The following ONECUT3 variants were observed in gnomAD, a reference collection of about 807,000 sequenced individuals.
ONECUT3 encodes the protein one cut homeobox 3, also known as one cut domain family member 3.
In ONECUT3, 11 loss-of-function variants were observed where a neutral mutation model predicts 16.8. That is an observed-to-expected ratio of 0.66 (90% CI 0.41 to 1.09). The LOEUF (loss-of-function observed/expected upper bound fraction) is 1.09, where lower values mean the gene tolerates loss of function less well. Among genes scored for constraint, ONECUT3 ranks in the 50% least tolerant of loss-of-function variants. ONECUT3 has a pLI of 0.00. For missense variants in ONECUT3, 637 were observed against 629.9 expected (o/e 1.01, Z -0.12); for synonymous variants, 344 against 310.7 (o/e 1.11, Z -1.13).
Position 1,764,181 on chromosome 19 carries a change from C to G in ONECUT3, c.1192+9327C>G, listed in dbSNP as rs1403802851. ...CCTTGTGCGTGCGTGTGTTTGCCCA[C>G]TGGCTTTGCTCCTGTTTGAGGGTGC... is the stretch of plus-strand genomic sequence containing the variant. On this transcript the variant is annotated intron_variant, in intron 1 of 1. Transcript: ENST00000382349. The surrounding 1 kb of genome is among the most constrained non-coding windows in gnomAD (Gnocchi z 5.0). 6.6e-6 allele frequency among the ~76,000 whole-genome samples: 1 copy of G among 152,194 alleles called. No homozygotes were observed. Among genetic ancestry groups the G allele is most frequent in the Non-Finnish European group, 1.5e-5 (1 of 68,036 alleles).
chr19:1,762,681 A>G lies in ONECUT3; in HGVS notation c.1192+7827A>G, dbSNP rs2067952667. On this transcript the variant is annotated intron_variant, in intron 1 of 1. Coordinates refer to ENST00000382349, the MANE Select transcript of ONECUT3 (RefSeq NM_001080488.2). The surrounding 1 kb of genome is among the most constrained non-coding windows in gnomAD (Gnocchi z 4.4). ...CACGCGCCCGCGGCCTTGGAGCCTC[A>G]GGGTCACTGGTGCGGGCTCCGCAGG... Among the ~76,000 whole-genome samples the G allele has an allele frequency of 6.6e-6, 1 of 152,228 alleles. No individual in the cohort carries two copies. Among genetic ancestry groups the G allele is most frequent in the Non-Finnish European group, 1.5e-5 (1 of 68,038 alleles).
rs1378149980 is a variant in ONECUT3 at position 1,764,414 on chromosome 19, G to C, written c.1192+9560G>C. ...ATGCAGTCATTAAAATCCCATCAGG[G>C]GAGGCTGGCGGGGAAAGCTGGAGGG... On this transcript the variant is annotated intron_variant, in intron 1 of 1. Coordinates refer to ENST00000382349, the MANE Select transcript of ONECUT3 (RefSeq NM_001080488.2). The surrounding 1 kb of genome is among the most constrained non-coding windows in gnomAD (Gnocchi z 5.0). Among the ~76,000 whole-genome samples the C allele has an allele frequency of 6.6e-6, 1 of 152,212 alleles. No individual in the cohort carries two copies. Among genetic ancestry groups the C allele is most frequent in the Non-Finnish European group, 1.5e-5 (1 of 68,034 alleles).
chr19:1,762,314 G>A lies in ONECUT3; in HGVS notation c.1192+7460G>A, dbSNP rs1687502240. ...TGGGAGTCGGGACAGAAGCTGCTGG[G>A]CTCTCCTCCCTGGAGCTGGGGCTTT... On this transcript the variant is annotated intron_variant, in intron 1 of 1. Transcript: ENST00000382349. This position sits in a 1 kb window ranked among gnomAD's most constrained non-coding sequence, Gnocchi z 4.4. 6.6e-6 allele frequency among the ~76,000 whole-genome samples: 1 copy of A among 152,208 alleles called. No homozygotes were observed. Among genetic ancestry groups the A allele is most frequent in the African/African-American group, 2.4e-5 (1 of 41,462 alleles).
In ONECUT3 at chr19:1,764,805, G is replaced by T. The variant is rs956014236; in HGVS notation, c.1192+9951G>T. ...TCGAGTCTGGAGAGGCCACGGGGGG[G>T]GGATGCGCAGGGGGGACAAGACACC... On this transcript the variant is annotated intron_variant, in intron 1 of 1. Coordinates refer to ENST00000382349, the MANE Select transcript of ONECUT3 (RefSeq NM_001080488.2). The surrounding 1 kb of genome is among the most constrained non-coding windows in gnomAD (Gnocchi z 5.0). Among the ~76,000 whole-genome samples, 22 of 148,108 alleles carry T rather than the reference G, an allele frequency of 1.5e-4. No homozygotes were observed. The highest frequency in any genetic ancestry group is 5.5e-4 in the African/African-American group (22 of 40,200).
rs1049726464 is a variant in ONECUT3 at position 1,754,044 on chromosome 19, G to A, written c.382G>A (p.Ala128Thr). 57 of 991,180 alleles carry A rather than the reference G, an allele frequency of 5.8e-5. No individual in the cohort carries two copies. Among genetic ancestry groups the A allele is most frequent in the Non-Finnish European group, 6.7e-5 (56 of 835,534 alleles). 61.4% of individuals were successfully genotyped at this position (991,180 alleles called of 1,614,324 possible). A position where few individuals can be genotyped will look rare whatever the true frequency, so the allele number is the denominator to read the frequency against. The change falls in exon 1 of 2, where the codon GCG becomes ACG. Residue 128 changes from alanine (A) to threonine (T), a missense_variant. Around this residue, in one of 3 missense-constraint regions of ONECUT3, gnomAD observed 419 missense variants for 377.9 expected, o/e 1.11. Transcript: ENST00000382349. The surrounding 1 kb of genome is among the most constrained non-coding windows in gnomAD (Gnocchi z 7.4). ...CGTGGCCGACAAGTTCCACCAGCAC[G>A]CGGCGGCCGCGGCCGTGGCCGGGGC... ...AAVADKFHQH[A>T]AAAAVAGAHG... is the part of the protein sequence containing the mutation.
At chr19:1,763,392 A>AAAAAAAAAAT (rs1308535206) in intron 1 of ONECUT3, among the ~76,000 whole-genome samples, 1 of 137,068 alleles carries the variant, frequency 7.3e-6, no homozygotes, top group African/African-American at 2.9e-5. Context: ...AAAAAAAAAA[A>AAAAAAAAAAT]AAAATTAGCC....
chr19:1,760,564 C>T (rs2067941286), intron 1 of ONECUT3, among the ~76,000 whole-genome samples: 1 of 152,056 alleles, frequency 6.6e-6, no homozygotes, highest in African/African-American at 2.4e-5. Flanking sequence ...TGCGCTTCCC[C>T]CTGTGCCCCA....
At chr19:1,763,279 G>T (rs1405475187) in intron 1 of ONECUT3, among the ~76,000 whole-genome samples, 4 of 146,646 alleles carry the variant, frequency 2.7e-5, no homozygotes, top group Non-Finnish European at 4.5e-5. Flanking sequence ...CAGGAGAATC[G>T]CTTGAACCCA....
rs1351380810 is a variant in ONECUT3 at position 1,779,864 on chromosome 19, ACCTG to A, written c.*4424_*4427del. ...GAGCCTCAGTAGCCGGGTCTCCTCC[ACCTG>A]CCTGTCCATCTCCACCCGAGATGCC... is the stretch of plus-strand genomic sequence containing the variant. On this transcript the variant is annotated 3_prime_UTR_variant, in exon 2 of 2. Coordinates refer to ENST00000382349, the MANE Select transcript of ONECUT3 (RefSeq NM_001080488.2). The A allele has an allele frequency of 6.6e-6, 1 of 151,134 alleles. No homozygotes were observed. Among genetic ancestry groups the A allele is most frequent in the African/African-American group, 2.4e-5 (1 of 41,052 alleles). The allele number at this position is 151,134 out of a possible 1,614,324, so 9.4% of individuals were successfully genotyped here.
At chr19:1,769,062 AG>A in intron 1 of ONECUT3, among the ~76,000 whole-genome samples, 1 of 80,472 alleles carries the variant, frequency 1.2e-5, no homozygotes, top group African/African-American at 5.5e-5. Flanking sequence ...GAGTTGCTGG[AG>A]GTGGAGGTGG....
At chr19:1,760,557 G>T (rs551331251) in intron 1 of ONECUT3, among the ~76,000 whole-genome samples, 1 of 151,918 alleles carries the variant, frequency 6.6e-6, no homozygotes, top group Non-Finnish European at 1.5e-5. Context: ...CCTGCGCTGC[G>T]CTTCCCCCTG....
Position 1,766,359 on chromosome 19 carries a change from C to T in ONECUT3, c.1193-8794C>T, listed in dbSNP as rs1160925534. Among the ~76,000 whole-genome samples, 7 of 151,880 alleles carry T rather than the reference C, an allele frequency of 4.6e-5. No individual in the cohort carries two copies. Among genetic ancestry groups the T allele is most frequent in the African/African-American group, 9.6e-5 (4 of 41,516 alleles). On this transcript the variant is annotated intron_variant, in intron 1 of 1. Coordinates refer to ENST00000382349, the MANE Select transcript of ONECUT3 (RefSeq NM_001080488.2). This position sits in a 1 kb window ranked among gnomAD's most constrained non-coding sequence, Gnocchi z 4.0. Reference sequence around the variant, plus strand: ...GCACCCACGGGCCCGCCTTCAGGGGCGAGGCGGATGCTGCATCCTGAAGCC... The same window carrying T: ...GCACCCACGGGCCCGCCTTCAGGGGTGAGGCGGATGCTGCATCCTGAAGCC...
chr19:1,757,580 C>T (rs2067923318), intron 1 of ONECUT3, among the ~76,000 whole-genome samples: 1 of 152,056 alleles, frequency 6.6e-6, no homozygotes, highest in African/African-American at 2.4e-5. Flanking sequence ...GCCGCGCGGC[C>T]CCGCGGCCGC....
In ONECUT3 at chr19:1,758,408, C is replaced by T. The variant is rs972911679; in HGVS notation, c.1192+3554C>T. Among the ~76,000 whole-genome samples the T allele has an allele frequency of 6.6e-6, 1 of 151,912 alleles. No individual in the cohort carries two copies. The highest frequency in any genetic ancestry group is 6.5e-5 in the Admixed American group (1 of 15,274). ...CACCCCCGCCCTCCCACAGCCCCCT[C>T]CTTCTTCCCCATGGGGTAGGACTTG... On this transcript the variant is annotated intron_variant, in intron 1 of 1. Coordinates refer to ENST00000382349, the MANE Select transcript of ONECUT3 (RefSeq NM_001080488.2). The surrounding 1 kb of genome is among the most constrained non-coding windows in gnomAD (Gnocchi z 5.9).
At chr19:1,772,246 C>G (rs2068062202) in intron 1 of ONECUT3, among the ~76,000 whole-genome samples, 1 of 152,086 alleles carries the variant, frequency 6.6e-6, no homozygotes, top group Admixed American at 6.6e-5. Context: ...CTCCTGACCT[C>G]AAGCGATCCA....
Position 1,766,074 on chromosome 19 carries a change from T to G in ONECUT3, c.1193-9079T>G, listed in dbSNP as rs7250162. ...TGATGCCGGTTTTCCCGCCCAGAAC[T>G]GGAACAGCTTTCCTAACGGTCACAG... On this transcript the variant is annotated intron_variant, in intron 1 of 1. Coordinates refer to ENST00000382349, the MANE Select transcript of ONECUT3 (RefSeq NM_001080488.2). The surrounding 1 kb of genome is among the most constrained non-coding windows in gnomAD (Gnocchi z 4.0). 0.87 allele frequency among the ~76,000 whole-genome samples: 132,655 copies of G among 152,098 alleles called. 58,224 individuals are homozygous for G. The highest frequency in any genetic ancestry group is 0.97 in the African/African-American group (40,312 of 41,544).
rs1164806390 is a variant in ONECUT3, at chr19:1,776,711, C to T, written c.*1266C>T. The T allele has an allele frequency of 2.0e-5, 3 of 150,890 alleles. No homozygotes were observed. The highest frequency in any genetic ancestry group is 4.4e-5 in the Non-Finnish European group (3 of 67,690). The allele number at this position is 150,890 out of a possible 1,614,324, so 9.3% of individuals were successfully genotyped here. On this transcript the variant is annotated 3_prime_UTR_variant, in exon 2 of 2. Transcript: ENST00000382349. The surrounding 1 kb of genome is among the most constrained non-coding windows in gnomAD (Gnocchi z 4.9). ...GCCGCGGGATCCCAGGAGCCCGCCT[C>T]CTCCGGGGGTTCAAGATCCGAGTCT... is the stretch of plus-strand genomic sequence containing the variant.
In ONECUT3 at chr19:1,755,951, G is replaced by T. The variant is rs577569829; in HGVS notation, c.1192+1097G>T. 6.6e-6 allele frequency among the ~76,000 whole-genome samples: 1 copy of T among 152,108 alleles called. No homozygotes were observed. Among genetic ancestry groups the T allele is most frequent in the Non-Finnish European group, 1.5e-5 (1 of 68,008 alleles). On this transcript the variant is annotated intron_variant, in intron 1 of 1. Transcript: ENST00000382349. This position sits in a 1 kb window ranked among gnomAD's most constrained non-coding sequence, Gnocchi z 7.5. ...TTTCCCTGGTGGTGCTGGGGAGGGGGCTGTCCACCCGGGCCACAGGGACAA... is the reference window on the plus strand; with the variant it reads ...TTTCCCTGGTGGTGCTGGGGAGGGGTCTGTCCACCCGGGCCACAGGGACAA...
At chr19:1,765,458 C>T (rs562044752) in intron 1 of ONECUT3, among the ~76,000 whole-genome samples, 1 of 152,202 alleles carries the variant, frequency 6.6e-6, no homozygotes, top group Non-Finnish European at 1.5e-5. Context: ...CCAAAGGCGT[C>T]CTCTCTCCCC....
Sources: allele counts gnomAD v4.1 joint callset (sites outside exome capture counted in the v4.1 genomes callset), GRCh38; gene constraint gnomAD v4.1.1; regional missense constraint gnomAD v4.1.1; non-coding constraint Gnocchi (gnomAD v3.1); transcripts MANE v1.5; gene names NCBI Gene and HGNC (gene_info 2026-07-23, HGNC 2026-07-21).